Variants in JARID2 observed in about 807,000 individuals in gnomAD.
The protein encoded by JARID2 is jumonji and AT-rich interaction domain containing 2, also known as protein Jumonji.
Under a neutral mutation model 125.6 loss-of-function variants are expected in JARID2, and 21 were observed. That is an observed-to-expected ratio of 0.17 (90% CI 0.12 to 0.24). The LOEUF (loss-of-function observed/expected upper bound fraction) is 0.24, where lower values mean the gene tolerates loss of function less well. Among genes scored for constraint, JARID2 ranks in the 10% least tolerant of loss-of-function variants. The pLI is 1.00. For synonymous variants in JARID2, 736 were observed against 661.6 expected (o/e 1.11, Z -1.73); for missense variants, 1,303 against 1,639.6 (o/e 0.79, Z 3.55).
At chr6:15,249,732 TG>T (rs955356301) in intron 1 of JARID2, among the ~76,000 whole-genome samples, 1 of 152,124 alleles carries the variant, frequency 6.6e-6, no homozygotes, top group South Asian at 2.1e-4. Context: ...AAAGCAGAGT[TG>T]GGGGTGCGAT....
intron 4 of JARID2, among the ~76,000 whole-genome samples, chr6:15,467,575 C>T (rs1282126806): frequency 3.3e-5 from 5 of 149,502 alleles, no homozygotes; most frequent in African/African-American, 9.9e-5. Flanking sequence ...GGCATGGGGG[C>T]TCATGCCTGC....
At chr6:15,403,380 T>A (rs1281534634) in intron 2 of JARID2, among the ~76,000 whole-genome samples, 1 of 152,138 alleles carries the variant, frequency 6.6e-6, no homozygotes, top group Non-Finnish European at 1.5e-5. Flanking sequence ...AGATCTTTTG[T>A]CTTTTGGTGG....
chr6:15,350,243 C>G (rs1763378130), intron 1 of JARID2, among the ~76,000 whole-genome samples: 1 of 152,080 alleles, frequency 6.6e-6, no homozygotes, highest in African/African-American at 2.4e-5. Context: ...GAATCATGAT[C>G]AATAAGATCT....
At chr6:15,442,525 T>C (rs1323880303) in intron 3 of JARID2, among the ~76,000 whole-genome samples, 1 of 152,208 alleles carries the variant, frequency 6.6e-6, no homozygotes, top group Non-Finnish European at 1.5e-5. Flanking sequence ...CTTGAGACTG[T>C]CCTGAGACCA....
chr6:15,257,913 C>G (rs1759728579), intron 1 of JARID2, among the ~76,000 whole-genome samples: 1 of 152,164 alleles, frequency 6.6e-6, no homozygotes, highest in Admixed American at 6.5e-5. Context: ...AACAAAATTG[C>G]TCTAAGAACA....
intron 1 of JARID2, among the ~76,000 whole-genome samples, chr6:15,340,391 C>G (rs572319257): frequency 1.3e-5 from 2 of 152,260 alleles, no homozygotes; most frequent in African/African-American, 4.8e-5. Flanking sequence ...CATCATTGTA[C>G]TTTTGATACT....
At chr6:15,374,590 C>A (rs931895471) in intron 2 of JARID2, among the ~76,000 whole-genome samples, 1 of 152,130 alleles carries the variant, frequency 6.6e-6, no homozygotes, top group Admixed American at 6.5e-5. Context: ...TTCTTGTCCC[C>A]GGGTTGTATA....
intron 3 of JARID2, among the ~76,000 whole-genome samples, chr6:15,416,899 T>C (rs1454521751): frequency 6.6e-6 from 1 of 152,200 alleles, no homozygotes; most frequent in African/African-American, 2.4e-5. Context: ...TCTCTCAGTA[T>C]GTGTAGAAAC....
rs1422977204 is a variant in JARID2, at chr6:15,520,051, C to T, written c.3559-18C>T. The T allele has an allele frequency of 1.2e-6, 2 of 1,604,462 alleles. No individual in the cohort carries two copies. Among genetic ancestry groups the T allele is most frequent in the Non-Finnish European group, 1.7e-6 (2 of 1,175,300 alleles). On this transcript the variant is annotated intron_variant, in intron 17 of 17. Coordinates refer to ENST00000341776, the MANE Select transcript of JARID2 (RefSeq NM_004973.4). ...TAATACGGTATGTTAACTGTGTCTTCCTTTCACCCCCAAACAGGAACAGAT... is the reference window on the plus strand; with the variant it reads ...TAATACGGTATGTTAACTGTGTCTTTCTTTCACCCCCAAACAGGAACAGAT...
chr6:15,432,258 GTC>G (rs1335948851), intron 3 of JARID2, among the ~76,000 whole-genome samples: 2 of 152,090 alleles, frequency 1.3e-5, no homozygotes, highest in African/African-American at 4.8e-5. Context: ...GTGAAACCCT[GTC>G]TCTACTAAAA....
In JARID2 at chr6:15,283,773, A is replaced by G. The variant is rs553838308; in HGVS notation, c.45+37189A>G. On this transcript the variant is annotated intron_variant, in intron 1 of 17. Coordinates refer to ENST00000341776, the MANE Select transcript of JARID2 (RefSeq NM_004973.4). ...CAGGCTGGAGTGCAGTAGCGCGATC[A>G]CGGCTCACTGCAAGCTCCACCTCCT... Among the ~76,000 whole-genome samples, 148 of 127,574 alleles carry G rather than the reference A, an allele frequency of 1.2e-3. 1 individual carries two copies. Among genetic ancestry groups the G allele is most frequent in the African/African-American group, 4.2e-3 (140 of 33,550 alleles). 83.7% of individuals were successfully genotyped at this position (127,574 alleles called of 152,430 possible). A position where few individuals can be genotyped will look rare whatever the true frequency, so the allele number is the denominator to read the frequency against.
In JARID2 at chr6:15,487,536, G is replaced by A; in HGVS notation, c.900G>A (p.Arg300=). The change falls in exon 6 of 18, where the codon CGG becomes CGA. Residue 300 remains arginine (R), a synonymous_variant. Coordinates refer to ENST00000341776, the MANE Select transcript of JARID2 (RefSeq NM_004973.4). ...TGCATCGGTCGGCTCAGGACTTACG[G>A]AAACAGGTAAAGTCCAGCAGGGGTG... ...PPLHRSAQDL[R]KQVSKVNGVT... is the part of the protein sequence containing the mutation. 3.7e-6 allele frequency: 6 copies of A among 1,604,316 alleles called. No homozygotes were observed. Among genetic ancestry groups the A allele is most frequent in the Non-Finnish European group, 5.1e-6 (6 of 1,173,110 alleles).
intron 1 of JARID2, among the ~76,000 whole-genome samples, chr6:15,361,521 G>C (rs1332975487): frequency 6.6e-6 from 1 of 152,146 alleles, no homozygotes; most frequent in Non-Finnish European, 1.5e-5. Context: ...ATTGCAAACT[G>C]TAAGGATAGG....
intron 2 of JARID2, among the ~76,000 whole-genome samples, chr6:15,375,860 G>C (rs1764333093): frequency 6.6e-6 from 1 of 152,196 alleles, no homozygotes; most frequent in Admixed American, 6.5e-5. Context: ...TAATGCCTTA[G>C]TGTTTCTTGG....
intron 1 of JARID2, among the ~76,000 whole-genome samples, chr6:15,354,035 GGCA>G (rs1413748986): frequency 6.6e-6 from 1 of 152,210 alleles, no homozygotes; most frequent in Non-Finnish European, 1.5e-5. Context: ...GTATTTCAAT[GGCA>G]GCAAGTTCAG....
rs973324657 is a variant in JARID2, at chr6:15,355,658, C to T, written c.46-18459C>T. 6.6e-5 allele frequency among the ~76,000 whole-genome samples: 10 copies of T among 151,986 alleles called. No homozygotes were observed. In the South Asian group the frequency reaches 1.0e-3, roughly 16 times the overall value. On this transcript the variant is annotated intron_variant, in intron 1 of 17. Transcript: ENST00000341776. ...ACAGTGTCTCACTAGGTCACCCAGG[C>T]TGAAGTGCAGTGCTGTGATCCCGGC...
intron 4 of JARID2, among the ~76,000 whole-genome samples, chr6:15,457,982 G>T (rs78425296): frequency 6.6e-6 from 1 of 152,072 alleles, no homozygotes; most frequent in Non-Finnish European, 1.5e-5. Context: ...TAGTGCAGCC[G>T]GCCCGAGGTA....
chr6:15,349,685 G>A (rs991670550), intron 1 of JARID2, among the ~76,000 whole-genome samples: 3 of 152,078 alleles, frequency 2.0e-5, no homozygotes, highest in East Asian at 3.9e-4. Context: ...CAGAAACACC[G>A]AGCTTCCCAG....
rs1767206905 is a variant in JARID2 at position 15,436,440 on chromosome 6, G to A, written c.324-15566G>A. Among the ~76,000 whole-genome samples the A allele has an allele frequency of 2.6e-5, 4 of 152,158 alleles. No individual in the cohort carries two copies. In the South Asian group the frequency reaches 6.2e-4, roughly 24 times the overall value. ...CTTCCGCTGATGTGTTCCTCAGGAC[G>A]TCCAGCAGCTTGTGTCTATGTCTTG... On this transcript the variant is annotated intron_variant, in intron 3 of 17. Transcript: ENST00000341776.
Sources: gnomAD v4.1 joint callset for allele counts (sites outside exome capture counted in the v4.1 genomes callset) on GRCh38, gnomAD v4.1.1 for gene constraint, MANE v1.5 for transcripts, NCBI Gene and HGNC (gene_info 2026-07-23, HGNC 2026-07-21) for gene names.